DST: variants seen among roughly 807,000 people sequenced by gnomAD.
DST encodes the protein dystonin.
DST carries 253 observed loss-of-function variants against 875.2 expected under a neutral mutation model. The ratio of observed to expected loss-of-function variants is 0.29; its 90% CI spans 0.26 to 0.32. The LOEUF (loss-of-function observed/expected upper bound fraction) is 0.32. Among genes scored for constraint, DST ranks in the 10% least tolerant of loss-of-function variants. The pLI is 1.00. For synonymous variants in DST, 3,124 were observed against 3,197.1 expected, an observed-to-expected ratio of 0.98 and a Z score of 0.77; for missense variants, 8,287 against 9,111.6, an observed-to-expected ratio of 0.91 and a Z score of 3.68.
Position 56,634,485 on chromosome 6 carries a change from T to A in DST, c.3471A>T (p.Lys1157Asn), listed in dbSNP as rs577655046. 1.2e-6 allele frequency: 2 copies of A among 1,614,170 alleles called. No individual in the cohort carries two copies. The highest frequency in any genetic ancestry group is 2.2e-5 in the South Asian group (2 of 91,068). The change falls in exon 26 of 104, where the codon AAA becomes AAT. Residue 1157 changes from lysine (K) to asparagine (N), a missense_variant. Around this residue, in one of 10 missense-constraint regions of DST, gnomAD observed 1,160 missense variants for 1,424.3 expected, o/e 0.81. Coordinates refer to ENST00000680361, the MANE Select transcript of DST (RefSeq NM_001374736.1). Reference sequence around the variant, plus strand: ...ACCTGTTGGCAAGGTCCACCGCTTCTTTGTTTGGTGGAGGAACGGTGAAGC... The same window carrying A: ...ACCTGTTGGCAAGGTCCACCGCTTCATTGTTTGGTGGAGGAACGGTGAAGC... ...SVCFTVPPPN[K>N]EAVDLANRIE...
chr6:56,940,292 T>A (rs1815793701), intron 2 of DST, among the ~76,000 whole-genome samples: 1 of 151,588 alleles, frequency 6.6e-6, no homozygotes, highest in Admixed American at 6.6e-5. Context: ...TGGATATATA[T>A]AAAAATATGT....
intron 69 of DST, 144 bp from the exon 70 acceptor site, chr6:56,517,764 T>C: frequency 1.0e-6 from 1 of 978,942 alleles, no homozygotes. Flanking sequence ...TAATTCGTGA[T>C]AATGACTAAA....
intron 2 of DST, among the ~76,000 whole-genome samples, chr6:56,927,372 T>C (rs1037331752): frequency 6.6e-6 from 1 of 152,130 alleles, no homozygotes; most frequent in African/African-American, 2.4e-5. Flanking sequence ...TTTCCAGAGA[T>C]TAGCAAAAAT....
At chr6:56,478,401 G>A (rs2152414222) in intron 90 of DST, among the ~76,000 whole-genome samples, 1 of 152,242 alleles carries the variant, frequency 6.6e-6, no homozygotes, top group East Asian at 1.9e-4. Context: ...CCTTTAAAAT[G>A]CCAGTAAGAG....
rs2152508253 is a variant in DST at position 56,527,719 on chromosome 6, A to G, written c.17696T>C (p.Ile5899Thr). The change falls in exon 68 of 104, where the codon ATA (isoleucine) becomes ACA (threonine). Residue 5899 changes from isoleucine (I) to threonine (T), a missense_variant. By Grantham distance (89) the Ile-to-Thr change is moderately conservative. Transcript: ENST00000680361. ...AATGGCTTCCAATTTATCTTGAATTATTAAAACTTCATCACCTAAAATTTC... is the reference window on the plus strand; with the variant it reads ...AATGGCTTCCAATTTATCTTGAATTGTTAAAACTTCATCACCTAAAATTTC... ...LKQTTGDEVLIIQDKLEAIKA... is the reference protein window; with the variant it reads ...LKQTTGDEVLTIQDKLEAIKA... The G allele has an allele frequency of 5.6e-6, 9 of 1,599,654 alleles. No homozygotes were observed. The highest frequency in any genetic ancestry group is 7.7e-6 in the Non-Finnish European group (9 of 1,173,522).
intron 4 of DST, among the ~76,000 whole-genome samples, chr6:56,795,717 C>T (rs1561876433): frequency 6.6e-6 from 1 of 152,004 alleles, no homozygotes; most frequent in Non-Finnish European, 1.5e-5. Flanking sequence ...TTAAGAATCA[C>T]AATCCTATAA....
At position 56,494,119 on chromosome 6, in the gene DST, T is replaced by C. The variant is rs754335031; in HGVS notation, c.20285A>G (p.Gln6762Arg). 6 of 1,612,326 alleles carry C rather than the reference T, an allele frequency of 3.7e-6. No individual in the cohort carries two copies. The highest frequency in any genetic ancestry group is 5.1e-6 in the Non-Finnish European group (6 of 1,178,838). The change falls in exon 83 of 104, where the codon CAG (glutamine) becomes CGG (arginine). Residue 6762 changes from glutamine (Q) to arginine (R), a missense_variant. Gln to Arg is a conservative substitution (Grantham distance 43). Coordinates refer to ENST00000680361, the MANE Select transcript of DST (RefSeq NM_001374736.1). ...TTTTGGGCATCTTGCAAGCATCTGC[T>C]GGCCTTTCTGCATCAGACTCTTATA... ...ETYKSLMQKG[Q>R]QMLARCPKSA...
intron 12 of DST, among the ~76,000 whole-genome samples, chr6:56,650,588 T>C (rs944478594): frequency 2.0e-5 from 3 of 152,120 alleles, no homozygotes; most frequent in Admixed American, 6.5e-5. Context: ...ATTCTATACA[T>C]ACAAAAGAAT....
chr6:56,592,253 C>T lies in DST; in HGVS notation c.12832G>A (p.Ala4278Thr), dbSNP rs1436086194. 6.8e-6 allele frequency: 11 copies of T among 1,613,268 alleles called. No individual in the cohort carries two copies. Among genetic ancestry groups the T allele is most frequent in the Non-Finnish European group, 9.3e-6 (11 of 1,179,648 alleles). The change falls in exon 49 of 104, where the codon GCG (alanine) becomes ACG (threonine). Residue 4278 changes from alanine to threonine, a missense_variant. By Grantham distance (58) the Ala-to-Thr change is moderately conservative (BLOSUM62 0). This residue lies in a region of DST where 1,513 missense variants were observed against 1,677.8 expected (regional missense o/e 0.90). Coordinates refer to ENST00000680361, the MANE Select transcript of DST (RefSeq NM_001374736.1). The part of the protein sequence containing the change: ...LAGLQACEAT[A>T]SKHLSEPIAV... The stretch of plus-strand genomic sequence containing the variant: ...ATAGGTTCAGATAAGTGTTTGCTCG[C>T]TGTGGCCTCACAGGCCTGGAGTCCA...
intron 2 of DST, among the ~76,000 whole-genome samples, chr6:56,938,503 G>C (rs1380205812): frequency 1.3e-5 from 2 of 152,008 alleles, no homozygotes; most frequent in African/African-American, 2.4e-5. Flanking sequence ...CAAGAAATTG[G>C]AAAAGACTGT....
intron 3 of DST, among the ~76,000 whole-genome samples, chr6:56,867,369 A>C (rs1774665370): frequency 6.6e-6 from 1 of 152,246 alleles, no homozygotes; most frequent in Non-Finnish European, 1.5e-5. Flanking sequence ...GGTCAGCATC[A>C]ATAAAAATGC....
At chr6:56,756,754 T>G (rs1447718704) in intron 4 of DST, among the ~76,000 whole-genome samples, 1 of 152,178 alleles carries the variant, frequency 6.6e-6, no homozygotes, top group African/African-American at 2.4e-5. Context: ...AGATTCAATT[T>G]TAGTACATTT....
chr6:56,842,531 A>G (rs531354305), intron 4 of DST, among the ~76,000 whole-genome samples: 2 of 152,304 alleles, frequency 1.3e-5, no homozygotes, highest in East Asian at 3.9e-4. Context: ...CAAACTCACT[A>G]AAGTCTTTTA....
At chr6:56,765,514 A>G (rs1007438177) in intron 4 of DST, among the ~76,000 whole-genome samples, 23 of 152,338 alleles carry the variant, frequency 1.5e-4, no homozygotes, top group Middle Eastern at 3.4e-3. Context: ...GCATGCCAGG[A>G]TATCATAAAG....
chr6:56,842,826 C>T lies in DST; in HGVS notation c.625+8571G>A, dbSNP rs79725238. The stretch of plus-strand genomic sequence containing the variant: ...GTGCTTCTTGGAAACAACCCCCTTC[C>T]CCCCTCTCTACCGCTCATCTAAGGG... On this transcript the variant is annotated intron_variant, in intron 4 of 103. Coordinates refer to ENST00000680361, the MANE Select transcript of DST (RefSeq NM_001374736.1). 0.014 allele frequency among the ~76,000 whole-genome samples: 2,186 copies of T among 152,230 alleles called. 126 individuals carry two copies. The East Asian group carries it at 0.19, about 14-fold the overall frequency.
chr6:56,713,390 C>A (rs1300307394), intron 5 of DST, among the ~76,000 whole-genome samples: 1 of 152,132 alleles, frequency 6.6e-6, no homozygotes, highest in African/African-American at 2.4e-5. Flanking sequence ...CAATGCCTGA[C>A]CTATAATCTC....
At position 56,639,679 on chromosome 6, in the gene DST, TA is replaced by T. The variant is rs751060715; in HGVS notation, c.2697+16del. 1.5e-3 allele frequency: 1,857 copies of T among 1,274,874 alleles called. 2 individuals carry two copies. Among genetic ancestry groups the T allele is most frequent in the Non-Finnish European group, 1.8e-3 (1,617 of 915,558 alleles). The allele number at this position is 1,274,874 out of a possible 1,614,324, so 79.0% of individuals were successfully genotyped here. ...ATATAGATAAGGGAAACAGAAGGTT[TA>T]AAAAAAAAAACTTACCAAGAGTTTT... On this transcript the variant is annotated intron_variant, in intron 20 of 103. Transcript: ENST00000680361.
At chr6:56,897,067 A>G (rs1342161654) in intron 3 of DST, among the ~76,000 whole-genome samples, 1 of 152,118 alleles carries the variant, frequency 6.6e-6, no homozygotes, top group East Asian at 1.9e-4. Context: ...GGTTTTTCCA[A>G]TGTTATTTCT....
Position 56,601,429 on chromosome 6 carries a change from G to A in DST, c.11541+14C>T, listed in dbSNP as rs779237793. ...TAAAAACAATGAATGCCAACTCCAC[G>A]AAGAAAGGCAAACCTTCTGATCATC... On this transcript the variant is annotated intron_variant, in intron 44 of 103. Coordinates refer to ENST00000680361, the MANE Select transcript of DST (RefSeq NM_001374736.1). 35 of 1,541,806 alleles carry A rather than the reference G, an allele frequency of 2.3e-5. No homozygotes were observed. Among genetic ancestry groups the A allele is most frequent in the Middle Eastern group, 1.7e-4 (1 of 5,938 alleles).
Sources: gnomAD v4.1 joint callset for allele counts (sites outside exome capture counted in the v4.1 genomes callset) on GRCh38, gnomAD v4.1.1 for gene constraint, gnomAD v4.1.1 regional missense constraint, MANE v1.5 for transcripts, NCBI Gene and HGNC (gene_info 2026-07-23, HGNC 2026-07-21) for gene names.